The following ITIH6 variants were observed in gnomAD, a reference collection of about 807,000 sequenced individuals.
ITIH6 encodes inter-alpha-trypsin inhibitor heavy chain family member 6, also known as inter-alpha-trypsin inhibitor heavy chain H6.
In ITIH6, 60 loss-of-function variants were observed where a neutral mutation model predicts 58.2. The ratio of observed to expected loss-of-function variants is 1.03; its 90% CI spans 0.84 to 1.28. ITIH6 has a LOEUF of 1.28. Among genes scored for constraint, ITIH6 ranks in the 50% most tolerant of loss-of-function variants. The pLI, the probability that ITIH6 is intolerant of heterozygous loss-of-function variation, is 0.00. For synonymous variants in ITIH6, 493 were observed against 417.4 expected (o/e 1.18, Z -2.21); for missense variants, 1,290 against 1,021.1 (o/e 1.26, Z -3.59).
In ITIH6 at chrX:54,774,203, CCAAAA is replaced by C; in HGVS notation, c.787-11_787-7del. On this transcript the variant is annotated splice_region_variant and splice_polypyrimidine_tract_variant and intron_variant, in intron 5 of 12. Coordinates refer to ENST00000218436, the MANE Select transcript of ITIH6 (RefSeq NM_198510.3). ...ATGAAATAGTCATCGTAAATCTGGACCAAAAAAAAAAAAAAAAAAGTAGAACCAAG... is the reference window on the plus strand; with the variant it reads ...ATGAAATAGTCATCGTAAATCTGGACAAAAAAAAAAAAAAGTAGAACCAAG... The C allele has an allele frequency of 1.5e-6, 1 of 649,246 alleles. No homozygotes were observed. The highest frequency in any genetic ancestry group is 4.4e-5 in the South Asian group (1 of 22,946). The allele number at this position is 649,246 out of a possible 1,213,427, so 53.5% of individuals were successfully genotyped here. A position where few individuals can be genotyped will look rare whatever the true frequency, so the allele number is the denominator to read the frequency against.
chrX:54,750,522 T>C (rs1928331439), intron 12 of ITIH6, among the ~76,000 whole-genome samples: 1 of 111,364 alleles, frequency 9.0e-6, no homozygotes, highest in East Asian at 2.8e-4. Flanking sequence ...TTCATAGCAG[T>C]CTCCAGAGGG....
Position 54,768,494 on chromosome X carries a change from C to G in ITIH6, c.903+5587G>C, listed in dbSNP as rs1296989218. 7.9e-4 allele frequency among the ~76,000 whole-genome samples: 74 copies of G among 93,286 alleles called. 4 individuals carry two copies. Among genetic ancestry groups the G allele is most frequent in the African/African-American group, 3.0e-3 (70 of 23,530 alleles). The allele number at this position is 93,286 out of a possible 115,157, so 81.0% of individuals were successfully genotyped here. A position where few individuals can be genotyped will look rare whatever the true frequency, so the allele number is the denominator to read the frequency against. Reference sequence around the variant, plus strand: ...GCAGTTTCTTCCTAGTCTCGATGGTCTTTACATTTTGGCATGATTTTGCAG... The same window carrying G: ...GCAGTTTCTTCCTAGTCTCGATGGTGTTTACATTTTGGCATGATTTTGCAG... On this transcript the variant is annotated intron_variant, in intron 6 of 12. Coordinates refer to ENST00000218436, the MANE Select transcript of ITIH6 (RefSeq NM_198510.3).
intron 9 of ITIH6, 65 bp downstream of exon 9, chrX:54,754,952 T>C: frequency 1.2e-6 from 1 of 854,524 alleles, no homozygotes; most frequent in Non-Finnish European, 1.7e-6. Context: ...ACAATGTCAA[T>C]AAGAATTCTA....
At chrX:54,788,674 C>G in intron 4 of ITIH6, 25 bp from the exon 5 acceptor site, 1 of 1,149,700 alleles carries the variant, frequency 8.7e-7, no homozygotes, top group Non-Finnish European at 1.2e-6. Context: ...AGGATCGGGG[C>G]GGGGTGGTAC....
intron 6 of ITIH6, among the ~76,000 whole-genome samples, chrX:54,768,279 G>A (rs1476342269): frequency 1.5e-5 from 1 of 67,103 alleles, no homozygotes; most frequent in Admixed American, 1.8e-4. Flanking sequence ...TTGAGCCTAT[G>A]TGTGTCTCTG....
chrX:54,753,731 G>T lies in ITIH6; in HGVS notation c.3272C>A (p.Pro1091Gln). The change falls in exon 11 of 13, where the codon CCA becomes CAA. Residue 1091 changes from proline (P) to glutamine (Q), a missense_variant. By Grantham distance (76) the Pro-to-Gln change is moderately conservative. Transcript: ENST00000218436. ...GAAGCAGATCTTCTCTTCTGAGTGT[G>T]GGATTTGGATCACAAAGTGGGGGTC... ...DGDPHFVIQI[P>Q]HSEEKICFTL... The T allele has an allele frequency of 8.3e-7, 1 of 1,210,850 alleles. No homozygotes were observed. The highest frequency in any genetic ancestry group is 1.1e-6 in the Non-Finnish European group (1 of 894,916).
At chrX:54,761,439 T>G (rs1928642571) in intron 6 of ITIH6, among the ~76,000 whole-genome samples, 1 of 111,246 alleles carries the variant, frequency 9.0e-6, no homozygotes, top group Admixed American at 9.5e-5. Context: ...CTCTTTAGTT[T>G]AATTAGATCC....
intron 3 of ITIH6, 97 bp from the exon 4 acceptor site, chrX:54,791,181 C>A: frequency 1.1e-6 from 1 of 871,314 alleles, no homozygotes; most frequent in Non-Finnish European, 1.6e-6. Flanking sequence ...CAACCCTGGT[C>A]CCAGCCGACC....
chrX:54,762,575 C>T (rs1445393769), intron 6 of ITIH6, among the ~76,000 whole-genome samples: 1 of 111,887 alleles, frequency 8.9e-6, no homozygotes, highest in East Asian at 2.8e-4. Context: ...TCCAACTTCC[C>T]TTTATTTATT....
chrX:54,768,584 C>A (rs1291430537), intron 6 of ITIH6, among the ~76,000 whole-genome samples: 1 of 106,810 alleles, frequency 9.4e-6, no homozygotes, highest in East Asian at 2.9e-4. Flanking sequence ...TAGGGCAGGC[C>A]TGGTGGTGAC....
At chrX:54,761,235 T>G (rs752116083) in intron 6 of ITIH6, among the ~76,000 whole-genome samples, 1 of 112,502 alleles carries the variant, frequency 8.9e-6, no homozygotes, top group Non-Finnish European at 1.9e-5. Flanking sequence ...ATAAATGTCT[T>G]CTTTTGAGAA....
chrX:54,788,936 G>A (rs1929294191), intron 4 of ITIH6, among the ~76,000 whole-genome samples: 1 of 112,351 alleles, frequency 8.9e-6, no homozygotes, highest in Non-Finnish European at 1.9e-5. Context: ...ACCTCACCCT[G>A]CTTCATTTTC....
At position 54,773,952 on chromosome X, in the gene ITIH6, C is replaced by T. The variant is rs992953054; in HGVS notation, c.903+129G>A. On this transcript the variant is annotated intron_variant, in intron 6 of 12. Coordinates refer to ENST00000218436, the MANE Select transcript of ITIH6 (RefSeq NM_198510.3). ...AGATACCAGGACCCTAGGGTAGGCC[C>T]AAGCCTGTAAGACTCAAGGGTCATG... The T allele has an allele frequency of 1.4e-5, 5 of 367,389 alleles. No homozygotes were observed. In the East Asian group the frequency reaches 2.5e-4, roughly 18 times the overall value. 30.3% of individuals were successfully genotyped at this position (367,389 alleles called of 1,213,427 possible). A position where few individuals can be genotyped will look rare whatever the true frequency, so the allele number is the denominator to read the frequency against.
chrX:54,758,860 G>C lies in ITIH6; in HGVS notation c.1214C>G (p.Thr405Arg). ...LTDGEPTAGVTTPSVILSNVR... is the reference protein window; with the variant it reads ...LTDGEPTAGVRTPSVILSNVR... ...ATTGGAGAGGATCACACTGGGGGTC[G>C]TCACGCCGGCCGTGGGCTCCCCATC... is the stretch of plus-strand genomic sequence containing the variant. Residue 405 changes from threonine to arginine, a missense_variant, in exon 8 of 13, where the codon ACG (threonine) becomes AGG (arginine). Transcript: ENST00000218436. The C allele has an allele frequency of 8.3e-7, 1 of 1,211,284 alleles. No individual in the cohort carries two copies.
intron 5 of ITIH6, among the ~76,000 whole-genome samples, chrX:54,784,943 T>G (rs1052615083): frequency 1.8e-5 from 2 of 111,821 alleles, no homozygotes; most frequent in African/African-American, 6.5e-5. Context: ...GGAGACAACC[T>G]AAGTGTTCAT....
At chrX:54,797,859 C>A (rs1288703597) in intron 1 of ITIH6, among the ~76,000 whole-genome samples, 3 of 111,112 alleles carry the variant, frequency 2.7e-5, no homozygotes, top group African/African-American at 6.6e-5. Context: ...CCTCTGTTTT[C>A]TCTTCTCTAT....
chrX:54,775,905 C>G (rs1287155752), intron 5 of ITIH6, among the ~76,000 whole-genome samples: 3 of 111,897 alleles, frequency 2.7e-5, no homozygotes, highest in Non-Finnish European at 5.6e-5. Context: ...GATCGTCATC[C>G]CCCTAGGAAG....
chrX:54,777,380 C>T (rs1472440503), intron 5 of ITIH6, among the ~76,000 whole-genome samples: 3 of 112,789 alleles, frequency 2.7e-5, no homozygotes, highest in Non-Finnish European at 5.6e-5. Context: ...TGAAGGAACT[C>T]ACTATCCCAA....
intron 6 of ITIH6, among the ~76,000 whole-genome samples, chrX:54,772,362 G>T (rs1928969889): frequency 8.9e-6 from 1 of 111,908 alleles, no homozygotes; most frequent in Non-Finnish European, 1.9e-5. Flanking sequence ...TGGAAGTTCG[G>T]AGAAGAGTGA....
Sources: allele counts gnomAD v4.1 joint callset (sites outside exome capture counted in the v4.1 genomes callset), GRCh38; gene constraint gnomAD v4.1.1; transcripts MANE v1.5; gene names NCBI Gene and HGNC (gene_info 2026-07-23, HGNC 2026-07-21).